Variants in SPTBN5 observed in about 807,000 individuals in gnomAD.
SPTBN5 encodes the protein spectrin beta chain, non-erythrocytic 5.
A neutral mutation model predicts 477.6 loss-of-function variants in SPTBN5; 513 were observed. That is an observed-to-expected ratio of 1.07 (90% CI 1.00 to 1.16). The LOEUF (loss-of-function observed/expected upper bound fraction) is 1.16, where lower values mean the gene tolerates loss of function less well. Ranked by LOEUF, SPTBN5 falls within the 50% of genes most tolerant of loss-of-function variation. The pLI, the probability that SPTBN5 is intolerant of heterozygous loss-of-function variation, is 0.00. For synonymous variants in SPTBN5, 2,169 were observed against 2,011.7 expected, an observed-to-expected ratio of 1.08 and a Z score of -2.09; for missense variants, 5,062 against 4,731.8, an observed-to-expected ratio of 1.07 and a Z score of -2.05.
chr15:41,849,801 A>C, intron 67 of SPTBN5, 68 bp downstream of exon 67: 2 of 1,258,290 alleles, frequency 1.6e-6, no homozygotes, highest in Non-Finnish European at 2.3e-6. Context: ...CAGGCTTCAG[A>C]GGACAGCGCC....
Position 41,870,549 on chromosome 15 carries a change from G to T in SPTBN5, c.5459C>A (p.Ser1820Ter). The change falls in exon 30 of 68, where the codon TCG becomes TAG. Residue 1820 changes from serine (S) to a stop codon, truncating the protein, a stop_gained. Coordinates refer to ENST00000320955, the MANE Select transcript of SPTBN5 (RefSeq NM_016642.4). LOFTEE classifies it high-confidence loss of function. The part of the protein sequence containing the change: ...QRQQDLQTAW[S>*]ELWELTQARG... ...GGCCTGGGTCAGCTCCCACAGCTCCGACCAGGCGGTCCTGCCCACGGCGTG... is the reference window on the plus strand; with the variant it reads ...GGCCTGGGTCAGCTCCCACAGCTCCTACCAGGCGGTCCTGCCCACGGCGTG... The T allele has an allele frequency of 1.2e-6, 2 of 1,608,266 alleles. No individual in the cohort carries two copies. Among genetic ancestry groups the T allele is most frequent in the South Asian group, 1.1e-5 (1 of 90,958 alleles).
At chr15:41,881,894 G>A in intron 12 of SPTBN5, 42 bp downstream of exon 12, 1 of 1,494,138 alleles carries the variant, frequency 6.7e-7, no homozygotes, top group Non-Finnish European at 8.9e-7. Flanking sequence ...AGCCGCGGTG[G>A]AGCAAGGGAG....
At position 41,854,332 on chromosome 15, in the gene SPTBN5, A is replaced by T. The variant is rs546012004; in HGVS notation, c.9619-127T>A. 17 of 993,360 alleles carry T rather than the reference A, an allele frequency of 1.7e-5. 1 individual carries two copies. Among genetic ancestry groups the T allele is most frequent in the Middle Eastern group, 3.1e-4 (1 of 3,196 alleles). 61.5% of individuals were successfully genotyped at this position (993,360 alleles called of 1,614,324 possible). A position where few individuals can be genotyped will look rare whatever the true frequency, so the allele number is the denominator to read the frequency against. ...GGATCATGGGGCTTGATGTGTCCCC[A>T]GGTACAGAAACCATCCTCCATGCTG... On this transcript the variant is annotated intron_variant, in intron 56 of 67. Transcript: ENST00000320955.
chr15:41,888,091 G>A lies in SPTBN5; in HGVS notation c.502-6C>T, dbSNP rs1315195734. 15 of 1,563,518 alleles carry A rather than the reference G, an allele frequency of 9.6e-6. No homozygotes were observed. The highest frequency in any genetic ancestry group is 5.4e-5 in the African/African-American group (4 of 73,796). ...GCGCTGGCCCCAAACTCCTCCTGGC[G>A]GGACAGGGCAGCAGGGTCACCATGC... On this transcript the variant is annotated splice_polypyrimidine_tract_variant and splice_region_variant and intron_variant, in intron 4 of 67. Transcript: ENST00000320955.
At chr15:41,857,197 G>C in intron 51 of SPTBN5, 41 bp downstream of exon 51, 2 of 1,557,564 alleles carry the variant, frequency 1.3e-6, no homozygotes, top group Non-Finnish European at 1.7e-6. Flanking sequence ...GGTCCCTCCA[G>C]GAAGGCAGGG....
At chr15:41,860,561 C>T in intron 47 of SPTBN5, 25 bp downstream of exon 47, 1 of 1,370,226 alleles carries the variant, frequency 7.3e-7, no homozygotes, top group Non-Finnish European at 9.5e-7. Context: ...GCCCACAGCA[C>T]CCCTCACCCC....
Position 41,863,955 on chromosome 15 carries a change from C to A in SPTBN5, c.6988G>T (p.Glu2330Ter). The A allele has an allele frequency of 6.2e-7, 1 of 1,613,894 alleles. No individual in the cohort carries two copies. Among genetic ancestry groups the A allele is most frequent in the East Asian group, 2.2e-5 (1 of 44,884 alleles). Reference sequence around the variant, plus strand: ...CGCTGGCAGATGATCTTGACTTCCTCAGGGTCCCGGTTCTTGAGCTGCAGT... The same window carrying A: ...CGCTGGCAGATGATCTTGACTTCCTAAGGGTCCCGGTTCTTGAGCTGCAGT... ...LSLQLKNRDP[E>*]EVKIICQRRS... Residue 2330 changes from glutamate to a stop codon, truncating the protein, a stop_gained, in exon 40 of 68, where the codon GAG becomes TAG. Transcript: ENST00000320955. LOFTEE classifies it high-confidence loss of function.
chr15:41,886,324 A>T lies in SPTBN5; in HGVS notation c.931T>A (p.Tyr311Asn). Residue 311 changes from tyrosine to asparagine, a missense_variant, in exon 7 of 68, where the codon TAC becomes AAC. Tyr to Asn is a moderately radical substitution (Grantham distance 143). Coordinates refer to ENST00000320955, the MANE Select transcript of SPTBN5 (RefSeq NM_016642.4). ...AGAAGGTCAGCCACCAGCTGCTCGT[A>T]CTGGGTCTGCAGCAGCTCTGTCTCC... ...LQETELLQTQ[Y>N]EQLVADLLRW... 6.2e-7 allele frequency: 1 copy of T among 1,612,082 alleles called. No homozygotes were observed. The highest frequency in any genetic ancestry group is 8.5e-7 in the Non-Finnish European group (1 of 1,179,180).
rs757070925 is a variant in SPTBN5, at chr15:41,871,397, G to A, written c.5425C>T (p.Arg1809Cys). 1.3e-5 allele frequency: 19 copies of A among 1,471,330 alleles called. No individual in the cohort carries two copies. The highest frequency in any genetic ancestry group is 4.3e-5 in the African/African-American group (3 of 69,184). The allele number at this position is 1,471,330 out of a possible 1,614,324, so 91.1% of individuals were successfully genotyped here. A position where few individuals can be genotyped will look rare whatever the true frequency, so the allele number is the denominator to read the frequency against. ...ERGHSAGPMV[R>C]QRQQDLQTAW... ...CACTGCAGATCCTGCTGCCTCTGACGGACCATGGGGCCAGCACTGTGCCCA... is the reference window on the plus strand; with the variant it reads ...CACTGCAGATCCTGCTGCCTCTGACAGACCATGGGGCCAGCACTGTGCCCA... Residue 1809 changes from arginine to cysteine, a missense_variant, in exon 29 of 68, where the codon CGT becomes TGT. Coordinates refer to ENST00000320955, the MANE Select transcript of SPTBN5 (RefSeq NM_016642.4).
At chr15:41,850,980 G>A (rs762604069) in intron 65 of SPTBN5, 41 bp from the exon 66 acceptor site, 33 of 1,589,288 alleles carry the variant, frequency 2.1e-5, no homozygotes, top group Non-Finnish European at 2.4e-5. Flanking sequence ...CTGTCCCTTT[G>A]GGGACCCCCA....
intron 66 of SPTBN5, 64 bp from the exon 67 acceptor site, chr15:41,850,023 C>G: frequency 7.5e-7 from 1 of 1,334,974 alleles, no homozygotes; most frequent in Non-Finnish European, 1.1e-6. Context: ...CCAGGTCTGG[C>G]TGCTCCTTCC....
At chr15:41,861,534 G>C in intron 45 of SPTBN5, 38 bp from the exon 46 acceptor site, 1 of 1,601,422 alleles carries the variant, frequency 6.2e-7, no homozygotes, top group Non-Finnish European at 8.6e-7. Context: ...AGTCGGTGGA[G>C]GGTCCAGCCA....
chr15:41,877,206 C>G lies in SPTBN5; in HGVS notation c.3621G>C (p.Gly1207=). The change falls in exon 18 of 68, where the codon GGG becomes GGC. Residue 1207 remains glycine (G), a synonymous_variant. Coordinates refer to ENST00000320955, the MANE Select transcript of SPTBN5 (RefSeq NM_016642.4). ...CTCGGCCAAACTTCTGCAGCTCCAG[C>G]CCCTCTTGCAGCCACTGCTGCCTCT... ...WEQRQQWLQE[G]LELQKFGREV... 6.2e-7 allele frequency: 1 copy of G among 1,614,014 alleles called. No individual in the cohort carries two copies. Among genetic ancestry groups the G allele is most frequent in the Non-Finnish European group, 8.5e-7 (1 of 1,179,894 alleles).
chr15:41,870,303 C>T lies in SPTBN5; in HGVS notation c.5613G>A (p.Leu1871=). ...CCTGGTGGCTTCTCAGCTGCGCCTC[C>T]AGCCCACACAGGTCCCGTGCCACAT... ...PNNVARDLCG[L]EAQLRSHQGL... Residue 1871 remains leucine (L), a synonymous_variant, in exon 31 of 68, where the codon CTG becomes CTA. Transcript: ENST00000320955. 1 of 1,560,320 alleles carries T rather than the reference C, an allele frequency of 6.4e-7. No homozygotes were observed.
At chr15:41,871,754 C>A (rs748029203) in intron 28 of SPTBN5, 28 bp downstream of exon 28, 73 of 1,517,852 alleles carry the variant, frequency 4.8e-5, no homozygotes, top group Non-Finnish European at 6.4e-5. Flanking sequence ...CCTCAGGGCA[C>A]CCTCCTTGAC....
At chr15:41,893,806 A>C in intron 1 of SPTBN5, 93 bp downstream of exon 1, 1 of 479,940 alleles carries the variant, frequency 2.1e-6, no homozygotes, top group Non-Finnish European at 3.8e-6. Context: ...AGGTGGAAGG[A>C]AGACAGGAAA....
chr15:41,855,985 C>T (rs2065920531), intron 53 of SPTBN5, among the ~76,000 whole-genome samples: 1 of 152,234 alleles, frequency 6.6e-6, no homozygotes, highest in Admixed American at 6.5e-5. Flanking sequence ...ATTCTTGGTT[C>T]ATAGGCATAG....
At position 41,874,004 on chromosome 15, in the gene SPTBN5, T is replaced by C; in HGVS notation, c.4731A>G (p.Gln1577=). The C allele has an allele frequency of 6.2e-7, 1 of 1,602,890 alleles. No individual in the cohort carries two copies. Among genetic ancestry groups the C allele is most frequent in the Non-Finnish European group, 8.5e-7 (1 of 1,179,584 alleles). ...GGCTCCGCCCAGAACTCAGCACCCG[T>C]TGCACCTGCCCCTGGTGAGCTTTTA... ...VEVKAHQGQV[Q]RVLSSGRSLA... Residue 1577 remains glutamine, a synonymous_variant, in exon 25 of 68, where the codon CAA becomes CAG. Coordinates refer to ENST00000320955, the MANE Select transcript of SPTBN5 (RefSeq NM_016642.4).
chr15:41,852,122 C>T, intron 62 of SPTBN5, 60 bp downstream of exon 62: 1 of 1,518,976 alleles, frequency 6.6e-7, no homozygotes. Flanking sequence ...AGCCCCAGCC[C>T]CACTGCATGC....
Sources: allele counts gnomAD v4.1 joint callset (sites outside exome capture counted in the v4.1 genomes callset), GRCh38; gene constraint gnomAD v4.1.1; transcripts MANE v1.5; gene names NCBI Gene and HGNC (gene_info 2026-07-23, HGNC 2026-07-21).